The following PDGFRL variants were observed in gnomAD, a reference collection of about 807,000 sequenced individuals.
PDGFRL encodes platelet-derived growth factor receptor-like protein.
PDGFRL carries 46 observed loss-of-function variants against 37.2 expected under a neutral mutation model. That is an observed-to-expected ratio of 1.24 (90% confidence interval 0.98 to 1.58). The LOEUF is 1.58. PDGFRL is among the 40% of genes most tolerant of loss of function. The pLI, the probability that PDGFRL is intolerant of heterozygous loss-of-function variation, is 0.00. For missense variants in PDGFRL, 692 were observed against 467.6 expected, an observed-to-expected ratio of 1.48 and a Z score of -4.43; for synonymous variants, 251 against 184.3, an observed-to-expected ratio of 1.36 and a Z score of -2.93.
intron 5 of PDGFRL, among the ~76,000 whole-genome samples, chr8:17,641,398 A>G (rs568724559): frequency 6.6e-6 from 1 of 152,170 alleles, no homozygotes; most frequent in Non-Finnish European, 1.5e-5. Context: ...AGCCCTCTCC[A>G]GGGATCTCTG....
chr8:17,612,709 T>C (rs1055059052), intron 2 of PDGFRL, among the ~76,000 whole-genome samples: 1 of 152,140 alleles, frequency 6.6e-6, no homozygotes, highest in African/African-American at 2.4e-5. Flanking sequence ...CACATACTTA[T>C]TTGATCTAGA....
At chr8:17,582,456 C>T (rs1356135833) in intron 1 of PDGFRL, among the ~76,000 whole-genome samples, 1 of 151,880 alleles carries the variant, frequency 6.6e-6, no homozygotes, top group Non-Finnish European at 1.5e-5. Context: ...GTGGTGCGCA[C>T]CTGTAGTCCC....
chr8:17,594,116 C>T (rs543273967), intron 2 of PDGFRL, among the ~76,000 whole-genome samples: 2 of 143,738 alleles, frequency 1.4e-5, no homozygotes, highest in South Asian at 2.2e-4. Flanking sequence ...GAACATGCAG[C>T]GTATTTGTTT....
chr8:17,595,137 A>G (rs375944801), intron 2 of PDGFRL, among the ~76,000 whole-genome samples: 2 of 152,106 alleles, frequency 1.3e-5, no homozygotes, highest in East Asian at 3.9e-4. Context: ...CTCTGGATGG[A>G]GGGACAGCCC....
At chr8:17,621,566 G>C (rs1294887955) in intron 3 of PDGFRL, among the ~76,000 whole-genome samples, 2 of 152,022 alleles carry the variant, frequency 1.3e-5, no homozygotes, top group Non-Finnish European at 2.9e-5. Flanking sequence ...AAACATGTGT[G>C]GCTACTTAAA....
intron 4 of PDGFRL, among the ~76,000 whole-genome samples, chr8:17,630,145 C>T (rs947393019): frequency 1.3e-5 from 2 of 152,162 alleles, no homozygotes; most frequent in Non-Finnish European, 2.9e-5. Flanking sequence ...TGCCTGGTGT[C>T]CTCTGCATTT....
At chr8:17,576,670 C>T (rs75491838), upstream of PDGFRL, 5,287 of 977,630 alleles carry the variant, frequency 5.4e-3, 345 homozygotes, top group South Asian at 0.16. Context: ...CCCGTCCTCC[C>T]ACCCCCACCA....
Position 17,638,590 on chromosome 8 carries a change from G to T in PDGFRL, c.940-4023G>T, listed in dbSNP as rs1426712622. ...TTCTAGGTTATAGTTTAAATCCATT[G>T]TTTCTTTGTTGATGTTCTGTCTTGA... On this transcript the variant is annotated intron_variant, in intron 5 of 5. Transcript: ENST00000251630. 2.6e-5 allele frequency among the ~76,000 whole-genome samples: 4 copies of T among 151,344 alleles called. No homozygotes were observed. The East Asian group carries it at 7.8e-4, about 30-fold the overall frequency.
At chr8:17,622,759 C>T (rs13439798) in intron 3 of PDGFRL, among the ~76,000 whole-genome samples, 12,619 of 152,214 alleles carry the variant, frequency 0.083, 1,508 homozygotes, top group African/African-American at 0.27. Context: ...GGTTGCTCTC[C>T]ACACAATTGA....
chr8:17,608,198 G>A (rs1804325272), intron 2 of PDGFRL, among the ~76,000 whole-genome samples: 1 of 152,136 alleles, frequency 6.6e-6, no homozygotes, highest in Non-Finnish European at 1.5e-5. Context: ...CTGCCTTTCA[G>A]ACCACATCCT....
intron 2 of PDGFRL, among the ~76,000 whole-genome samples, chr8:17,615,292 C>A (rs1035685291): frequency 7.0e-6 from 1 of 142,832 alleles, no homozygotes; most frequent in African/African-American, 2.5e-5. Flanking sequence ...CTGGATCTCT[C>A]ATATTTTTGT....
chr8:17,581,260 C>T (rs550195808), intron 1 of PDGFRL, among the ~76,000 whole-genome samples: 58 of 152,210 alleles, frequency 3.8e-4, no homozygotes, highest in Admixed American at 3.6e-3. Context: ...CAAAGCTGTG[C>T]ACTCCAGGGG....
In PDGFRL at chr8:17,634,078, C is replaced by T; in HGVS notation, c.804C>T (p.Pro268=). 7 of 1,614,058 alleles carry T rather than the reference C, an allele frequency of 4.3e-6. No homozygotes were observed. The highest frequency in any genetic ancestry group is 5.9e-6 in the Non-Finnish European group (7 of 1,179,918). Residue 268 remains proline, a synonymous_variant, in exon 5 of 6, where the codon CCC becomes CCT. Transcript: ENST00000251630. ...VKYQLLYVAV[P]SGPPSTTILA... ...CTGTTTCGTGCTTGCTTCCAGTTCC[C>T]AGTGGCCCTCCCTCAACAACCATCT...
Position 17,643,072 on chromosome 8 carries a change from T to TAATC in PDGFRL, c.*277_*280dup, listed in dbSNP as rs900418125. 1.8e-5 allele frequency: 6 copies of TAATC among 337,876 alleles called. No homozygotes were observed. Among genetic ancestry groups the TAATC allele is most frequent in the African/African-American group, 1.3e-4 (6 of 46,946 alleles). 20.9% of individuals were successfully genotyped at this position (337,876 alleles called of 1,614,324 possible). On this transcript the variant is annotated 3_prime_UTR_variant, in exon 6 of 6. Coordinates refer to ENST00000251630, the MANE Select transcript of PDGFRL (RefSeq NM_001372073.1). ...TTATACATGTGTAAACAATTTTATATAATCAATCATTTCTATTAAATGAGC... is the reference window on the plus strand; with the variant it reads ...TTATACATGTGTAAACAATTTTATATAATCAATCAATCATTTCTATTAAATGAGC...
intron 2 of PDGFRL, chr8:17,596,327 C>A: frequency 8.1e-7 from 1 of 1,235,756 alleles, no homozygotes. Context: ...ACATGGGCTG[C>A]ACGTAACTCC....
intron 2 of PDGFRL, among the ~76,000 whole-genome samples, chr8:17,613,599 C>T (rs1804466506): frequency 1.3e-5 from 2 of 152,116 alleles, no homozygotes; most frequent in African/African-American, 4.8e-5. Context: ...CAGAGAAGCC[C>T]AGGCGCAGTG....
At chr8:17,623,766 C>T (rs1057229861) in intron 3 of PDGFRL, among the ~76,000 whole-genome samples, 1 of 151,578 alleles carries the variant, frequency 6.6e-6, no homozygotes, top group Non-Finnish European at 1.5e-5. Flanking sequence ...CCCAGCTGCT[C>T]AGGAGGCTGA....
At chr8:17,588,268 T>C (rs1053618504) in intron 1 of PDGFRL, among the ~76,000 whole-genome samples, 2 of 152,192 alleles carry the variant, frequency 1.3e-5, no homozygotes, top group Non-Finnish European at 2.9e-5. Context: ...TTCAGATTAG[T>C]ATACACATAA....
intron 5 of PDGFRL, among the ~76,000 whole-genome samples, chr8:17,639,565 G>A (rs10104135): frequency 0.8 from 122,087 of 151,898 alleles, 50,411 homozygotes; most frequent in Non-Finnish European, 0.91. Context: ...AAAATTCTTA[G>A]ATGATGATTC....
Sources: gnomAD v4.1 joint callset for allele counts (sites outside exome capture counted in the v4.1 genomes callset) on GRCh38, gnomAD v4.1.1 for gene constraint, MANE v1.5 for transcripts, NCBI Gene and HGNC (gene_info 2026-07-23, HGNC 2026-07-21) for gene names.